Variants in THSD4 observed in about 807,000 individuals in gnomAD.
The protein encoded by THSD4 is thrombospondin type 1 domain containing 4, also known as thrombospondin type-1 domain-containing protein 4.
In THSD4, 69 loss-of-function variants were observed where a neutral mutation model predicts 119.0. The ratio of observed to expected loss-of-function variants is 0.58; its 90% CI spans 0.48 to 0.71. The LOEUF (loss-of-function observed/expected upper bound fraction) is 0.71, where lower values mean the gene tolerates loss of function less well. Ranked by LOEUF, THSD4 falls within the 30% of genes least tolerant of loss-of-function variation. THSD4 has a pLI of 0.00. For missense variants in THSD4, 1,393 were observed against 1,391.1 expected (o/e 1.00, Z -0.02); for synonymous variants, 524 against 540.4 (o/e 0.97, Z 0.42).
intron 3 of THSD4, among the ~76,000 whole-genome samples, chr15:71,181,307 A>G (rs1032372800): frequency 6.6e-5 from 10 of 152,386 alleles, no homozygotes; most frequent in Middle Eastern, 3.4e-3. Context: ...AGTGTTCACT[A>G]ATTTGTGCTG....
intron 7 of THSD4, among the ~76,000 whole-genome samples, chr15:71,531,092 A>G (rs915681158): frequency 6.6e-6 from 1 of 152,202 alleles, no homozygotes; most frequent in Non-Finnish European, 1.5e-5. Flanking sequence ...CATAGGAAAA[A>G]ATGAGTGAAC....
intron 8 of THSD4, among the ~76,000 whole-genome samples, chr15:71,680,096 C>A (rs368730533): frequency 3.3e-5 from 5 of 152,116 alleles, no homozygotes; most frequent in African/African-American, 1.2e-4. Context: ...GTAGAAAAGA[C>A]GGATAAATAA....
chr15:71,608,344 G>A lies in THSD4; in HGVS notation c.1153-52186G>A, dbSNP rs752650514. 3.3e-5 allele frequency among the ~76,000 whole-genome samples: 5 copies of A among 151,206 alleles called. No individual in the cohort carries two copies. In the East Asian group the frequency reaches 5.8e-4, roughly 18 times the overall value. On this transcript the variant is annotated intron_variant, in intron 7 of 17. Coordinates refer to ENST00000261862, the MANE Select transcript of THSD4 (RefSeq NM_024817.3). The stretch of plus-strand genomic sequence containing the variant: ...AAGAAGAAAATCCTCCATTGTTAGC[G>A]TCCTGATGTACTTCTTTCTGGATTA...
At chr15:71,194,750 G>T (rs1419465364) in intron 3 of THSD4, among the ~76,000 whole-genome samples, 1 of 152,202 alleles carries the variant, frequency 6.6e-6, no homozygotes, top group Non-Finnish European at 1.5e-5. Flanking sequence ...GACACCAGCT[G>T]TTCCTGGTCT....
chr15:71,569,108 G>A (rs1217758982), intron 7 of THSD4, among the ~76,000 whole-genome samples: 2 of 152,170 alleles, frequency 1.3e-5, no homozygotes, highest in Non-Finnish European at 2.9e-5. Flanking sequence ...AGCATCCAGG[G>A]TAAAATGTGG....
intron 7 of THSD4, among the ~76,000 whole-genome samples, chr15:71,546,887 C>T (rs2048844936): frequency 1.3e-5 from 2 of 152,318 alleles, no homozygotes; most frequent in Admixed American, 1.3e-4. Context: ...AACTGCAGCC[C>T]AGAGCGGACT....
rs114639857 is a variant in THSD4, at chr15:71,107,655, C to T, written c.-80+10649C>T. 7.8e-3 allele frequency among the ~76,000 whole-genome samples: 1,188 copies of T among 152,314 alleles called. 14 individuals are homozygous for T. The highest frequency in any genetic ancestry group is 0.027 in the African/African-American group (1,106 of 41,564). On this transcript the variant is annotated intron_variant, in intron 1 of 17. Transcript: ENST00000355327. ...GCTCATGTTTGCCTCTGCTTGATCC[C>T]ATACCCTTCATTCATCCTTTGGAAT...
At chr15:71,639,198 G>T (rs147317802) in intron 7 of THSD4, among the ~76,000 whole-genome samples, 206 of 152,254 alleles carry the variant, frequency 1.4e-3, no homozygotes, top group African/African-American at 4.7e-3. Flanking sequence ...ATCAATAATG[G>T]CTAACAGAAA....
chr15:71,757,906 C>T lies in THSD4; in HGVS notation c.2420C>T (p.Ser807Leu), dbSNP rs1451605420. The change falls in exon 15 of 18, where the codon TCA becomes TTA. Residue 807 changes from serine (S) to leucine (L), a missense_variant. Transcript: ENST00000261862. ...WFLTEWSERC[S>L]AECGAGVRTR... is the part of the protein sequence containing the mutation. ...TGCCCTTCCCCTGTCTCACAGTGCT[C>T]AGCGGAGTGTGGGGCCGGAGTGCGG... 7 of 1,613,418 alleles carry T rather than the reference C, an allele frequency of 4.3e-6. No individual in the cohort carries two copies. The highest frequency in any genetic ancestry group is 5.9e-6 in the Non-Finnish European group (7 of 1,180,012).
chr15:71,580,078 C>G (rs982201750), intron 7 of THSD4, among the ~76,000 whole-genome samples: 10 of 151,760 alleles, frequency 6.6e-5, no homozygotes, highest in Non-Finnish European at 1.0e-4. Context: ...AGAGAGTTTT[C>G]AAAAAAGAAT....
chr15:71,353,744 A>G (rs1373146211), intron 6 of THSD4, among the ~76,000 whole-genome samples: 8 of 152,354 alleles, frequency 5.3e-5, no homozygotes, highest in Non-Finnish European at 8.8e-5. Flanking sequence ...CAATGCCGGG[A>G]TGATAAAATC....
chr15:71,511,614 T>C (rs2048284430), intron 7 of THSD4, among the ~76,000 whole-genome samples: 1 of 152,216 alleles, frequency 6.6e-6, no homozygotes, highest in African/African-American at 2.4e-5. Context: ...TTTGTAACAT[T>C]AATTCTTTGA....
intron 6 of THSD4, among the ~76,000 whole-genome samples, chr15:71,303,588 G>A (rs1379428787): frequency 1.3e-5 from 2 of 152,174 alleles, no homozygotes; most frequent in Non-Finnish European, 1.5e-5. Flanking sequence ...GGTCTTGAAT[G>A]TGTTCTCTTC....
chr15:71,442,142 C>CA (rs1245317438), intron 7 of THSD4, among the ~76,000 whole-genome samples: 1 of 151,868 alleles, frequency 6.6e-6, no homozygotes, highest in East Asian at 2.0e-4. Flanking sequence ...TGTATTTTAG[C>CA]AGAGATGGGG....
chr15:71,495,055 A>G lies in THSD4; in HGVS notation c.1152+83232A>G, dbSNP rs967753807. ...GTGACGGGTGAGAGGAGGGAGGCTG[A>G]GGAAATGTGGGCAATTTATTGCTTT... On this transcript the variant is annotated intron_variant, in intron 7 of 17. Transcript: ENST00000261862. 5.3e-5 allele frequency among the ~76,000 whole-genome samples: 8 copies of G among 152,174 alleles called. 1 individual carries two copies. Among genetic ancestry groups the G allele is most frequent in the African/African-American group, 1.9e-4 (8 of 41,438 alleles).
chr15:71,351,414 T>G (rs1434367532), intron 6 of THSD4, among the ~76,000 whole-genome samples: 1 of 152,148 alleles, frequency 6.6e-6, no homozygotes, highest in Non-Finnish European at 1.5e-5. Context: ...AAAACAGACA[T>G]GTACTATAGA....
rs541669576 is a variant in THSD4 at position 71,697,421 on chromosome 15, T to C, written c.1358-31128T>C. On this transcript the variant is annotated intron_variant, in intron 8 of 17. Coordinates refer to ENST00000261862, the MANE Select transcript of THSD4 (RefSeq NM_024817.3). ...CTTGGTGTTCATTTCAGGACAACTC[T>C]TGCTCAGGGGAAGTAGGTGCATAGG... is the stretch of plus-strand genomic sequence containing the variant. 1.8e-4 allele frequency among the ~76,000 whole-genome samples: 27 copies of C among 152,276 alleles called. No homozygotes were observed. The South Asian group carries it at 1.9e-3, about 11-fold the overall frequency.
intron 7 of THSD4, among the ~76,000 whole-genome samples, chr15:71,459,152 C>CTTTTTTTCTTTT (rs2047381082): frequency 2.1e-5 from 3 of 140,858 alleles, no homozygotes; most frequent in African/African-American, 7.8e-5. Flanking sequence ...TTTTCATTTT[C>CTTTTTTTCTTTT]TTTTTTTCTT....
chr15:71,234,364 G>A (rs989237716), intron 4 of THSD4, among the ~76,000 whole-genome samples: 5 of 152,274 alleles, frequency 3.3e-5, no homozygotes, highest in East Asian at 3.9e-4. Context: ...GGAGTGCAAT[G>A]GCACGATCTT....
Sources: gnomAD v4.1 joint callset for allele counts (sites outside exome capture counted in the v4.1 genomes callset) on GRCh38, gnomAD v4.1.1 for gene constraint, MANE v1.5 for transcripts, NCBI Gene and HGNC (gene_info 2026-07-23, HGNC 2026-07-21) for gene names.